The following NPHS1 variants were observed in gnomAD, a reference collection of about 807,000 sequenced individuals.
NPHS1 encodes NPHS1 adhesion molecule, nephrin.
A neutral mutation model predicts 139.7 loss-of-function variants in NPHS1; 107 were observed. The observed-to-expected ratio is 0.77, with a 90% CI of 0.66 to 0.90. NPHS1 has a LOEUF of 0.90. NPHS1 is among the 40% of genes least tolerant of loss of function. The probability of loss-of-function intolerance (pLI) is 0.00; values close to 1 mark genes in which losing one functional copy is unlikely to be tolerated. For synonymous variants in NPHS1, 707 were observed against 706.6 expected, an observed-to-expected ratio of 1.00 and a Z score of -0.01; for missense variants, 1,580 against 1,654.2, an observed-to-expected ratio of 0.96 and a Z score of 0.78.
chr19:35,849,769 T>G (rs1432596241), intron 5 of NPHS1, 116 bp from the exon 6 acceptor site: 3 of 756,858 alleles, frequency 4.0e-6, no homozygotes, highest in Non-Finnish European at 7.0e-6. Flanking sequence ...GTCCCCATGC[T>G]GATCTCCTCT....
chr19:35,839,133 A>G, intron 22 of NPHS1, 104 bp downstream of exon 22: 1 of 1,089,906 alleles, frequency 9.2e-7, no homozygotes, highest in Non-Finnish European at 1.4e-6. Context: ...TAACAGCTAT[A>G]GGCCTCAGTA....
intron 23 of NPHS1, among the ~76,000 whole-genome samples, chr19:35,832,879 C>T (rs812663): frequency 7.7e-6 from 1 of 129,774 alleles, no homozygotes. Flanking sequence ...AGAATGAGAC[C>T]CTGTCTCAAA....
intron 14 of NPHS1, among the ~76,000 whole-genome samples, chr19:35,844,747 G>C (rs1973111362): frequency 6.6e-6 from 1 of 152,170 alleles, no homozygotes; most frequent in Non-Finnish European, 1.5e-5. Flanking sequence ...GGCAGGATAG[G>C]AGTTGGCCCA....
Position 35,826,579 on chromosome 19 carries a change from C to T in NPHS1, c.3661G>A (p.Ala1221Thr). The change falls in exon 29 of 29, where the codon GCC (alanine) becomes ACC (threonine). Residue 1221 changes from alanine to threonine, a missense_variant. Transcript: ENST00000378910. ...QDPRGIYDQV[A>T]GDLDTLEPDS... ...GGTTCCAGAGTGTCCAAGTCTCCGG[C>T]CACCTGGTCATAGATTCCTCTTGGA... The T allele has an allele frequency of 6.2e-7, 1 of 1,613,984 alleles. No homozygotes were observed. The highest frequency in any genetic ancestry group is 8.5e-7 in the Non-Finnish European group (1 of 1,180,010).
intron 22 of NPHS1, among the ~76,000 whole-genome samples, chr19:35,837,647 G>A (rs1365334438): frequency 1.3e-5 from 2 of 151,364 alleles, no homozygotes; most frequent in African/African-American, 2.4e-5. Context: ...TTGTTGCCCA[G>A]GCTGGAGTAC....
At chr19:35,846,265 T>A in intron 11 of NPHS1, 71 bp from the exon 12 acceptor site, 1 of 1,479,876 alleles carries the variant, frequency 6.8e-7, no homozygotes, top group Non-Finnish European at 9.1e-7. Context: ...CCCCCTACCC[T>A]GCCCACTGGG....
chr19:35,826,502 T>A lies in NPHS1; in HGVS notation c.*12A>T, dbSNP rs1297855953. Reference sequence around the variant, plus strand: ...TTCCTGCAGGTGCAGGACAATGGGGTTGAGAGGGCTCTTACACCAGATGTC... The same window carrying A: ...TTCCTGCAGGTGCAGGACAATGGGGATGAGAGGGCTCTTACACCAGATGTC... On this transcript the variant is annotated 3_prime_UTR_variant, in exon 29 of 29. Coordinates refer to ENST00000378910, the MANE Select transcript of NPHS1 (RefSeq NM_004646.4). 2 of 1,612,984 alleles carry A rather than the reference T, an allele frequency of 1.2e-6. No individual in the cohort carries two copies. Among genetic ancestry groups the A allele is most frequent in the Non-Finnish European group, 1.7e-6 (2 of 1,179,888 alleles).
chr19:35,840,054 G>A (rs186005831), intron 20 of NPHS1, among the ~76,000 whole-genome samples: 21 of 151,326 alleles, frequency 1.4e-4, no homozygotes, highest in Non-Finnish European at 2.1e-4. Context: ...GCCCAGGCTG[G>A]AGTGTAGTGG....
chr19:35,850,782 C>G (rs1344842437), intron 4 of NPHS1, among the ~76,000 whole-genome samples, 179 bp downstream of exon 4: 1 of 152,192 alleles, frequency 6.6e-6, no homozygotes, highest in Non-Finnish European at 1.5e-5. Context: ...CCTCGATGTG[C>G]CCTCGCATCC....
intron 23 of NPHS1, among the ~76,000 whole-genome samples, chr19:35,835,440 C>T (rs1191823946): frequency 6.6e-6 from 1 of 151,438 alleles, no homozygotes; most frequent in African/African-American, 2.4e-5. Context: ...GTTGGGACTA[C>T]AGGCACATGC....
chr19:35,843,616 G>T (rs1408217283), intron 16 of NPHS1, 23 bp from the exon 17 acceptor site: 1 of 1,613,284 alleles, frequency 6.2e-7, no homozygotes, highest in Admixed American at 1.7e-5. Context: ...AGAGGCTTGG[G>T]GAAGACACTT....
In NPHS1 at chr19:35,849,106, G is replaced by T. The variant is rs1568456184; in HGVS notation, c.882C>A (p.Thr294=). 6.2e-7 allele frequency: 1 copy of T among 1,609,522 alleles called. No individual in the cohort carries two copies. The highest frequency in any genetic ancestry group is 8.5e-7 in the Non-Finnish European group (1 of 1,180,016). ...CCAGCACACTGCGGGCCACCGCCTG[G>T]GTGTGCTCTGTGCCCCACGCTGTGG... ...PVSTAWGTEH[T]QAVARSVLVM... is the part of the protein sequence containing the mutation. The change falls in exon 8 of 29, where the codon ACC becomes ACA. Residue 294 remains threonine (T), a synonymous_variant. Transcript: ENST00000378910.
At chr19:35,837,808 G>A (rs1437176454) in intron 22 of NPHS1, among the ~76,000 whole-genome samples, 1 of 151,866 alleles carries the variant, frequency 6.6e-6, no homozygotes, top group Non-Finnish European at 1.5e-5. Context: ...TTCCATGTTG[G>A]TCAGGCTGGT....
At position 35,830,867 on chromosome 19, in the gene NPHS1, G is replaced by A; in HGVS notation, c.3571C>T (p.Pro1191Ser). Reference protein sequence around the residue: ...RTYPPSGAWGPLYDEVQMGPW... With the variant: ...RTYPPSGAWGSLYDEVQMGPW... ...ACCATCTGCACTTCATCGTAGAGGGGTCCCCAGGCTCCAGACGGGGGGTAC... is the reference window on the plus strand; with the variant it reads ...ACCATCTGCACTTCATCGTAGAGGGATCCCCAGGCTCCAGACGGGGGGTAC... Residue 1191 changes from proline (P) to serine (S), a missense_variant, in exon 28 of 29, where the codon CCC (proline) becomes TCC (serine). Coordinates refer to ENST00000378910, the MANE Select transcript of NPHS1 (RefSeq NM_004646.4). 1.2e-6 allele frequency: 2 copies of A among 1,611,390 alleles called. No homozygotes were observed. Among genetic ancestry groups the A allele is most frequent in the Non-Finnish European group, 1.7e-6 (2 of 1,177,494 alleles).
chr19:35,835,420 C>T (rs748260632), intron 23 of NPHS1, among the ~76,000 whole-genome samples: 3 of 149,858 alleles, frequency 2.0e-5, no homozygotes, highest in Non-Finnish European at 3.0e-5. Flanking sequence ...CCACCTCAGC[C>T]TTCTGAGTAG....
Position 35,839,849 on chromosome 19 carries a change from G to A in NPHS1, c.2816-242C>T, listed in dbSNP as rs189467429. Among the ~76,000 whole-genome samples, 55 of 151,924 alleles carry A rather than the reference G, an allele frequency of 3.6e-4. 1 individual carries two copies. The highest frequency in any genetic ancestry group is 3.4e-3 in the Middle Eastern group (1 of 294). On this transcript the variant is annotated intron_variant, in intron 20 of 28. Coordinates refer to ENST00000378910, the MANE Select transcript of NPHS1 (RefSeq NM_004646.4). The stretch of plus-strand genomic sequence containing the variant: ...GAGCCCAGGAGTTCGAGACCAGCCT[G>A]GGCAACATAGCAAGACCCTGTCTCA...
chr19:35,841,576 C>T, intron 20 of NPHS1, 139 bp downstream of exon 20: 1 of 937,354 alleles, frequency 1.1e-6, no homozygotes. Flanking sequence ...TTAGGATTTT[C>T]AGGGCAGGCA....
In NPHS1 at chr19:35,842,296, C is replaced by G; in HGVS notation, c.2507-16G>C. ...TGGGGGGCAACTGGGAGGGGATGGG[C>G]AGTCAACATGAGCTATGTGGGAGAC... is the stretch of plus-strand genomic sequence containing the variant. On this transcript the variant is annotated splice_polypyrimidine_tract_variant and intron_variant, in intron 18 of 28. Coordinates refer to ENST00000378910, the MANE Select transcript of NPHS1 (RefSeq NM_004646.4). The G allele has an allele frequency of 1.9e-6, 3 of 1,612,222 alleles. No homozygotes were observed. The highest frequency in any genetic ancestry group is 2.5e-6 in the Non-Finnish European group (3 of 1,179,996).
intron 28 of NPHS1, among the ~76,000 whole-genome samples, chr19:35,829,175 G>A (rs1161062298): frequency 6.6e-6 from 1 of 152,164 alleles, no homozygotes; most frequent in Non-Finnish European, 1.5e-5. Flanking sequence ...CCTACTCCCT[G>A]ATCCCATGGT....
Sources: allele counts gnomAD v4.1 joint callset (sites outside exome capture counted in the v4.1 genomes callset), GRCh38; gene constraint gnomAD v4.1.1; transcripts MANE v1.5; gene names NCBI Gene and HGNC (gene_info 2026-07-23, HGNC 2026-07-21).